The following CDH12 variants were observed in gnomAD, a reference collection of about 807,000 sequenced individuals.
CDH12 encodes the protein cadherin 12.
Under a neutral mutation model 74.1 loss-of-function variants are expected in CDH12, and 41 were observed. The observed-to-expected ratio is 0.55, with a 90% CI of 0.43 to 0.72. The LOEUF is 0.72. CDH12 is among the 30% of genes least tolerant of loss of function. CDH12 has a pLI of 0.00. For missense variants in CDH12, 945 were observed against 977.2 expected (o/e 0.97, Z 0.44); for synonymous variants, 399 against 355.0 (o/e 1.12, Z -1.39).
chr5:22,753,439 GAA>G (rs879438509), intron 1 of CDH12, among the ~76,000 whole-genome samples: 23 of 128,278 alleles, frequency 1.8e-4, no homozygotes, highest in Admixed American at 1.8e-3. Context: ...TGTGTCAGAA[GAA>G]AAAAAAAAAA....
intron 1 of CDH12, among the ~76,000 whole-genome samples, chr5:22,582,849 G>C (rs1193003431): frequency 1.3e-5 from 2 of 152,142 alleles, no homozygotes; most frequent in Admixed American, 6.5e-5. Context: ...TAGAGGCAAA[G>C]GAGCTGGGGG....
chr5:22,093,532 T>C (rs1052234606), intron 4 of CDH12, among the ~76,000 whole-genome samples: 22 of 152,332 alleles, frequency 1.4e-4, no homozygotes, highest in African/African-American at 5.1e-4. Context: ...GATTACATAT[T>C]ATATGATTGT....
Position 22,303,092 on chromosome 5 carries a change from T to C in CDH12, c.-332-90449A>G, listed in dbSNP as rs1737960723. On this transcript the variant is annotated intron_variant, in intron 3 of 14. Coordinates refer to ENST00000382254, the MANE Select transcript of CDH12 (RefSeq NM_004061.5). ...TGCAAATATTTTAAGAAACAGCATT[T>C]TAAATTACAAACATGAAGATAGTAT... Among the ~76,000 whole-genome samples, 3 of 152,088 alleles carry C rather than the reference T, an allele frequency of 2.0e-5. No homozygotes were observed. In the South Asian group the frequency reaches 6.2e-4, roughly 32 times the overall value.
intron 6 of CDH12, among the ~76,000 whole-genome samples, chr5:21,934,128 TCACA>T (rs367663462): frequency 4.6e-5 from 7 of 150,604 alleles, no homozygotes; most frequent in East Asian, 1.9e-4. Context: ...ACACACACAC[TCACA>T]CACACACACA....
chr5:22,216,394 A>G (rs1751803507), intron 3 of CDH12, among the ~76,000 whole-genome samples: 1 of 152,076 alleles, frequency 6.6e-6, no homozygotes, highest in Non-Finnish European at 1.5e-5. Context: ...TATTAGTCTT[A>G]TGATTCTTAC....
chr5:22,245,867 C>G (rs1291409627), intron 3 of CDH12, among the ~76,000 whole-genome samples: 1 of 152,022 alleles, frequency 6.6e-6, no homozygotes, highest in Non-Finnish European at 1.5e-5. Flanking sequence ...TTATTACCCT[C>G]TTATTCATAT....
intron 5 of CDH12, among the ~76,000 whole-genome samples, chr5:21,989,058 G>GATT (rs1405750479): frequency 6.6e-6 from 1 of 151,976 alleles, no homozygotes; most frequent in Non-Finnish European, 1.5e-5. Context: ...ATTGTGACAG[G>GATT]ATTGACTTTA....
At chr5:22,755,248 ATACT>A (rs1255418729) in intron 1 of CDH12, among the ~76,000 whole-genome samples, 1 of 152,206 alleles carries the variant, frequency 6.6e-6, no homozygotes, top group African/African-American at 2.4e-5. Flanking sequence ...TTTCATAAAG[ATACT>A]TATTCATCTC....
At chr5:22,394,262 C>T (rs1020872988) in intron 3 of CDH12, among the ~76,000 whole-genome samples, 2 of 152,078 alleles carry the variant, frequency 1.3e-5, no homozygotes, top group African/African-American at 2.4e-5. Flanking sequence ...GGAGGACTCT[C>T]GTCTAATGAT....
At chr5:21,900,431 T>C (rs938179953) in intron 6 of CDH12, among the ~76,000 whole-genome samples, 1 of 152,182 alleles carries the variant, frequency 6.6e-6, no homozygotes, top group Non-Finnish European at 1.5e-5. Flanking sequence ...TTCTAAATAA[T>C]TAAAATGCCA....
chr5:21,814,202 AC>A (rs1305389856), intron 9 of CDH12, among the ~76,000 whole-genome samples: 11 of 151,302 alleles, frequency 7.3e-5, no homozygotes, highest in Admixed American at 6.6e-5. Flanking sequence ...TTGCAGATAT[AC>A]TTTCAAGATT....
intron 6 of CDH12, among the ~76,000 whole-genome samples, chr5:21,923,593 T>C (rs979810798): frequency 6.6e-6 from 1 of 152,140 alleles, no homozygotes; most frequent in Admixed American, 6.6e-5. Context: ...CCCCATGTCT[T>C]CTATGAGCTG....
At chr5:22,807,944 C>CA (rs994778599) in intron 1 of CDH12, among the ~76,000 whole-genome samples, 1 of 151,782 alleles carries the variant, frequency 6.6e-6, no homozygotes, top group Admixed American at 6.6e-5. Flanking sequence ...TAAACAGAAA[C>CA]AAAAAAAATT....
At chr5:22,156,420 T>C (rs1422011996) in intron 4 of CDH12, among the ~76,000 whole-genome samples, 2 of 152,160 alleles carry the variant, frequency 1.3e-5, no homozygotes, top group East Asian at 3.8e-4. Context: ...GCCTATAAAG[T>C]CTTACTCAAC....
chr5:22,572,641 T>G (rs562461750), intron 1 of CDH12, among the ~76,000 whole-genome samples: 1 of 152,310 alleles, frequency 6.6e-6, no homozygotes, highest in East Asian at 1.9e-4. Context: ...TCAATTCTGT[T>G]TCTATATTAA....
intron 4 of CDH12, among the ~76,000 whole-genome samples, chr5:22,182,112 C>T (rs187800314): frequency 2.9e-3 from 445 of 152,138 alleles, no homozygotes; most frequent in African/African-American, 0.01. Flanking sequence ...ATAGTTTTTA[C>T]GACCTGAACA....
At chr5:21,836,489 ACAC>A (rs1239883533) in intron 8 of CDH12, among the ~76,000 whole-genome samples, 10 of 151,434 alleles carry the variant, frequency 6.6e-5, no homozygotes, top group African/African-American at 2.4e-4. Context: ...ACACACACAC[ACAC>A]ACACACTCCT....
intron 3 of CDH12, among the ~76,000 whole-genome samples, chr5:22,267,173 T>C (rs895892633): frequency 1.3e-4 from 20 of 152,158 alleles, no homozygotes; most frequent in South Asian, 4.1e-4. Flanking sequence ...ATCGTATGTG[T>C]ATTTGCAAAG....
chr5:22,028,642 C>A (rs1196548501), intron 5 of CDH12, among the ~76,000 whole-genome samples: 3 of 152,152 alleles, frequency 2.0e-5, no homozygotes, highest in Non-Finnish European at 2.9e-5. Context: ...ACATACCATG[C>A]TCATGGGTAG....
Sources: gnomAD v4.1 joint callset for allele counts (sites outside exome capture counted in the v4.1 genomes callset) on GRCh38, gnomAD v4.1.1 for gene constraint, MANE v1.5 for transcripts, NCBI Gene and HGNC (gene_info 2026-07-23, HGNC 2026-07-21) for gene names.